The following STIM1 variants were observed in gnomAD, a reference collection of about 807,000 sequenced individuals.
STIM1 encodes stromal interaction molecule 1.
Under a neutral mutation model 74.7 loss-of-function variants are expected in STIM1, and 25 were observed. The ratio of observed to expected loss-of-function variants is 0.33; its 90% CI spans 0.24 to 0.47. STIM1 has a LOEUF of 0.47. Among genes scored for constraint, STIM1 ranks in the 20% least tolerant of loss-of-function variants. The pLI is 1.00. For synonymous variants in STIM1, 328 were observed against 348.8 expected (o/e 0.94, Z 0.66); for missense variants, 728 against 920.8 (o/e 0.79, Z 2.71).
At chr11:3,929,423 A>G (rs1303934393) in intron 1 of STIM1, among the ~76,000 whole-genome samples, 2 of 152,036 alleles carry the variant, frequency 1.3e-5, no homozygotes, top group African/African-American at 4.8e-5. Context: ...GGATTTTGAG[A>G]GATTGGAATG....
At chr11:3,864,434 G>A (rs187430813) in intron 1 of STIM1, among the ~76,000 whole-genome samples, 6 of 152,286 alleles carry the variant, frequency 3.9e-5, no homozygotes, top group Non-Finnish European at 5.9e-5. Context: ...ACTCTATTTG[G>A]GGGGAGAGTG....
intron 1 of STIM1, among the ~76,000 whole-genome samples, chr11:3,895,608 C>CTCTTTCTCTTTCTTTCTTTCTTTCTTTT (rs1565104462): frequency 2.4e-4 from 13 of 53,120 alleles, no homozygotes; most frequent in African/African-American, 1.3e-3. Context: ...TTCTTTCTCT[C>CTCTTTCTCTTTCTTTCTTTCTTTCTTTT]TCTTTCTTTC....
intron 1 of STIM1, among the ~76,000 whole-genome samples, chr11:3,900,403 T>G (rs1269718231): frequency 6.6e-6 from 1 of 152,176 alleles, no homozygotes; most frequent in Non-Finnish European, 1.5e-5. Context: ...AGGCAATGCC[T>G]CGCCCTGCTT....
rs191261198 is a variant in STIM1, at chr11:3,905,823, A to G, written c.139+49414A>G. On this transcript the variant is annotated intron_variant, in intron 1 of 12. Transcript: ENST00000526596. ...GTGCTATTTTTTTTCCATTAAATGG[A>G]GCTTAATGTTGAAACTCTAAAGAGG... Among the ~76,000 whole-genome samples the G allele has an allele frequency of 2.4e-4, 37 of 152,114 alleles. 1 individual carries two copies. Among genetic ancestry groups the G allele is most frequent in the Admixed American group, 3.9e-4 (6 of 15,286 alleles).
At chr11:3,901,831 G>T (rs1449406979) in intron 1 of STIM1, among the ~76,000 whole-genome samples, 1 of 152,184 alleles carries the variant, frequency 6.6e-6, no homozygotes, top group African/African-American at 2.4e-5. Flanking sequence ...TGCAGCCACA[G>T]CTCACTGCAC....
chr11:4,039,665 AT>A (rs1565156899), intron 3 of STIM1, among the ~76,000 whole-genome samples: 1 of 151,664 alleles, frequency 6.6e-6, no homozygotes, highest in Non-Finnish European at 1.5e-5. Flanking sequence ...TGTTAGTCAG[AT>A]GTATTGAAAT....
At chr11:3,870,480 A>C (rs1342246938) in intron 1 of STIM1, among the ~76,000 whole-genome samples, 7 of 152,170 alleles carry the variant, frequency 4.6e-5, no homozygotes, top group Non-Finnish European at 1.0e-4. Flanking sequence ...TATGCTTTCT[A>C]TAATACTCTT....
At chr11:3,887,735 G>A (rs1262976811) in intron 1 of STIM1, among the ~76,000 whole-genome samples, 4 of 152,176 alleles carry the variant, frequency 2.6e-5, no homozygotes, top group South Asian at 2.1e-4. Context: ...TTGGGAGGCC[G>A]AGACGGGCGG....
intron 5 of STIM1, among the ~76,000 whole-genome samples, chr11:4,066,355 C>A (rs1244744113): frequency 6.6e-6 from 1 of 152,170 alleles, no homozygotes; most frequent in Non-Finnish European, 1.5e-5. Context: ...GGCATTTGCC[C>A]TCTATATGCA....
chr11:4,070,673 C>A (rs1156797448), intron 6 of STIM1, among the ~76,000 whole-genome samples: 1 of 152,206 alleles, frequency 6.6e-6, no homozygotes, highest in Non-Finnish European at 1.5e-5. Context: ...GGATAAATTT[C>A]TTTCCCTCCC....
chr11:4,083,274 G>A lies in STIM1; in HGVS notation c.1250G>A (p.Ser417Asn), dbSNP rs1025014749. ...TCCTCTGTCTTCAGGCAAGCACTGA[G>A]CGAGGTGACAGCAGCATTGCGGGAG... ...HKILTAKQAL[S>N]EVTAALRERL... Residue 417 changes from serine to asparagine, a missense_variant, in exon 10 of 13, where the codon AGC becomes AAC. Coordinates refer to ENST00000526596, the MANE Select transcript of STIM1 (RefSeq NM_001382567.1). 2.5e-6 allele frequency: 4 copies of A among 1,614,204 alleles called. No homozygotes were observed. Among genetic ancestry groups the A allele is most frequent in the Non-Finnish European group, 3.4e-6 (4 of 1,180,044 alleles).
intron 1 of STIM1, among the ~76,000 whole-genome samples, chr11:3,870,226 G>A (rs1481369726): frequency 6.6e-6 from 1 of 152,222 alleles, no homozygotes; most frequent in East Asian, 1.9e-4. Context: ...ATCTAAGTCT[G>A]AGAACCCAAG....
At chr11:4,006,438 G>A (rs755600628) in intron 2 of STIM1, among the ~76,000 whole-genome samples, 7 of 151,918 alleles carry the variant, frequency 4.6e-5, no homozygotes, top group East Asian at 1.9e-4. Context: ...TTTCTTTGGC[G>A]GAGTCTCATG....
At chr11:4,010,812 T>C (rs2093828455) in intron 2 of STIM1, among the ~76,000 whole-genome samples, 1 of 152,194 alleles carries the variant, frequency 6.6e-6, no homozygotes, top group African/African-American at 2.4e-5. Flanking sequence ...GTTGGTTTAC[T>C]GCACCCATCA....
intron 2 of STIM1, among the ~76,000 whole-genome samples, chr11:4,016,534 C>A (rs1283061089): frequency 6.6e-6 from 1 of 152,216 alleles, no homozygotes; most frequent in African/African-American, 2.4e-5. Flanking sequence ...GCAGTCTGTC[C>A]ATTATCGGAG....
At position 3,856,343 on chromosome 11, in the gene STIM1, C is replaced by T; in HGVS notation, c.73C>T (p.His25Tyr). The T allele has an allele frequency of 6.2e-7, 1 of 1,614,194 alleles. No individual in the cohort carries two copies. Among genetic ancestry groups the T allele is most frequent in the East Asian group, 2.2e-5 (1 of 44,882 alleles). Residue 25 changes from histidine to tyrosine, a missense_variant, in exon 1 of 13, where the codon CAT becomes TAT. This residue lies in a region of STIM1 where 62 missense variants were observed against 55.5 expected (regional missense o/e 1.12). Coordinates refer to ENST00000526596, the MANE Select transcript of STIM1 (RefSeq NM_001382567.1). ...CCTGCACCAGGGCCAGAGCCTCAGC[C>T]ATAGTCACAGTGAGAAGGCGACAGG... is the stretch of plus-strand genomic sequence containing the variant. ...LLLHQGQSLS[H>Y]SHSEKATGTS... is the part of the protein sequence containing the mutation.
intron 1 of STIM1, among the ~76,000 whole-genome samples, chr11:3,859,004 T>C (rs759081799): frequency 6.6e-6 from 1 of 152,178 alleles, no homozygotes; most frequent in Non-Finnish European, 1.5e-5. Flanking sequence ...AATGTTGCTT[T>C]CCTTCTGACA....
chr11:4,013,257 T>C (rs1298384857), intron 2 of STIM1, among the ~76,000 whole-genome samples: 6 of 152,192 alleles, frequency 3.9e-5, no homozygotes, highest in Admixed American at 6.5e-5. Flanking sequence ...TAAGGAGGAT[T>C]CCCTCTTTTT....
At chr11:4,055,742 C>A in intron 4 of STIM1, 105 bp downstream of exon 4, 1 of 790,550 alleles carries the variant, frequency 1.3e-6, no homozygotes, top group Non-Finnish European at 2.1e-6. Context: ...CTGCCTTTTT[C>A]AGGGCAGCGT....
Sources: allele counts gnomAD v4.1 joint callset (sites outside exome capture counted in the v4.1 genomes callset), GRCh38; gene constraint gnomAD v4.1.1; regional missense constraint gnomAD v4.1.1; transcripts MANE v1.5; gene names NCBI Gene and HGNC (gene_info 2026-07-23, HGNC 2026-07-21).